Variants in LOC400499 observed in about 807,000 individuals in gnomAD.
the LOC400499 span, chr16:11,477,791 A>C: frequency 2.5e-5 from 10 of 398,690 alleles, no homozygotes; most frequent in African/African-American, 6.2e-5. Context: ...CCCACCACCT[A>C]ACCTGCGCCA....
the LOC400499 span, chr16:11,383,546 T>A: frequency 8.5e-7 from 1 of 1,181,640 alleles, no homozygotes; most frequent in Non-Finnish European, 1.1e-6. Flanking sequence ...TGACAATTAT[T>A]TGTCCTCCCT....
At chr16:11,487,668 C>T in the LOC400499 span, among the ~76,000 whole-genome samples, 1 of 152,178 alleles carries the variant, frequency 6.6e-6, no homozygotes, top group Non-Finnish European at 1.5e-5. Context: ...GTTTTGGAGC[C>T]TTAGGTTGAA....
At chr16:11,384,180 C>T in the LOC400499 span, 1 of 1,222,030 alleles carries the variant, frequency 8.2e-7, no homozygotes, top group Non-Finnish European at 1.0e-6. Flanking sequence ...TCAAGAACCT[C>T]AGCTGGAAGC....
At chr16:11,381,916 T>C in the LOC400499 span, among the ~76,000 whole-genome samples, 1 of 151,906 alleles carries the variant, frequency 6.6e-6, no homozygotes, top group Non-Finnish European at 1.5e-5. Context: ...CTGCTGACTC[T>C]AAAGGGTCCT....
At chr16:11,462,122 A>G in the LOC400499 span, 15 of 1,501,356 alleles carry the variant, frequency 1.0e-5, no homozygotes, top group Non-Finnish European at 1.2e-5. Context: ...CCTACCTGTC[A>G]CGTTGGCCTG....
the LOC400499 span, among the ~76,000 whole-genome samples, chr16:11,385,984 T>C: frequency 0.51 from 77,577 of 151,908 alleles, 20,295 homozygotes; most frequent in Non-Finnish European, 0.55. Flanking sequence ...TATGGTGAGC[T>C]GAGATGGCGC....
the LOC400499 span, among the ~76,000 whole-genome samples, chr16:11,421,854 C>T: frequency 6.6e-6 from 1 of 152,146 alleles, no homozygotes; most frequent in Non-Finnish European, 1.5e-5. Flanking sequence ...AACTTGCAAG[C>T]ACCAATGATT....
chr16:11,383,585 T>TG, the LOC400499 span: 1 of 1,231,466 alleles, frequency 8.1e-7, no homozygotes, highest in African/African-American at 1.6e-5. Context: ...GTTTTCCCTC[T>TG]GGCCTGGAAG....
At chr16:11,516,972 G>A in the LOC400499 span, among the ~76,000 whole-genome samples, 2 of 152,170 alleles carry the variant, frequency 1.3e-5, no homozygotes, top group East Asian at 1.9e-4. Flanking sequence ...ACCAAAGACT[G>A]TATTTGTTGA....
the LOC400499 span, chr16:11,460,056 T>C: frequency 2.1e-5 from 30 of 1,419,704 alleles, no homozygotes; most frequent in East Asian, 7.6e-4. Context: ...GAGCTGGACC[T>C]GGGACACACA....
the LOC400499 span, among the ~76,000 whole-genome samples, chr16:11,505,280 C>A: frequency 3.9e-5 from 6 of 151,960 alleles, no homozygotes; most frequent in African/African-American, 1.5e-4. Context: ...CACCTTAGCA[C>A]GTCATGTCAT....
the LOC400499 span, among the ~76,000 whole-genome samples, chr16:11,412,449 A>G: frequency 6.6e-6 from 1 of 152,126 alleles, no homozygotes; most frequent in Non-Finnish European, 1.5e-5. Context: ...CCCTTCAACA[A>G]GTGGCTTACT....
the LOC400499 span, chr16:11,396,394 G>A: frequency 6.0e-6 from 6 of 998,158 alleles, no homozygotes; most frequent in Non-Finnish European, 6.4e-6. Context: ...CAGTTCCTCA[G>A]ATAGCCACTA....
At chr16:11,438,655 G>T in the LOC400499 span, among the ~76,000 whole-genome samples, 5 of 150,156 alleles carry the variant, frequency 3.3e-5, no homozygotes, top group East Asian at 7.8e-4. Flanking sequence ...TGGGTGTTGT[G>T]GCAGGTGCCT....
chr16:11,478,005 C>T, the LOC400499 span: 5 of 398,710 alleles, frequency 1.3e-5, no homozygotes, highest in African/African-American at 1.0e-4. Flanking sequence ...ACCTCCTGCC[C>T]CTGCAGCCAA....
chr16:11,491,651 C>A, the LOC400499 span: 1 of 362,408 alleles, frequency 2.8e-6, no homozygotes, highest in South Asian at 1.4e-4. Context: ...AGGTGCCCTC[C>A]CAGCCCCACC....
the LOC400499 span, among the ~76,000 whole-genome samples, chr16:11,410,614 G>C: frequency 6.6e-6 from 1 of 152,238 alleles, no homozygotes; most frequent in Non-Finnish European, 1.5e-5. Flanking sequence ...CCAGGGCTGG[G>C]AGGGTGCCTA....
the LOC400499 span, chr16:11,508,859 A>G: frequency 1.5e-5 from 6 of 398,854 alleles, no homozygotes; most frequent in African/African-American, 6.2e-5. Context: ...TCTGGATCTG[A>G]GATGGTAAGA....
chr16:11,499,637 A>G, the LOC400499 span, among the ~76,000 whole-genome samples: 1 of 152,104 alleles, frequency 6.6e-6, no homozygotes, highest in Admixed American at 6.5e-5. Flanking sequence ...AGGGACAGCC[A>G]GGGCTGGACC....
Sources: allele counts gnomAD v4.1 joint callset (sites outside exome capture counted in the v4.1 genomes callset), GRCh38; gene constraint gnomAD v4.1.1; transcripts MANE v1.5.